SYNE1: variants seen among roughly 807,000 people sequenced by gnomAD.
The protein encoded by SYNE1 is nesprin-1.
Under a neutral mutation model 1,111.0 loss-of-function variants are expected in SYNE1, and 616 were observed. The ratio of observed to expected loss-of-function variants is 0.55; its 90% confidence interval spans 0.52 to 0.59. The LOEUF (loss-of-function observed/expected upper bound fraction) is 0.59. Ranked by LOEUF, SYNE1 falls within the 20% of genes least tolerant of loss-of-function variation. The pLI is 0.00. For synonymous variants in SYNE1, 3,855 were observed against 3,825.8 expected (o/e 1.01, Z -0.28); for missense variants, 10,006 against 10,417.0 (o/e 0.96, Z 1.72).
intron 24 of SYNE1, 70 bp from the exon 25 acceptor site, chr6:152,453,790 T>C: frequency 1.3e-6 from 2 of 1,599,512 alleles, no homozygotes; most frequent in Non-Finnish European, 1.7e-6. Flanking sequence ...ACAATCAGCC[T>C]CTAAGCCTCC....
intron 23 of SYNE1, 144 bp from the exon 24 acceptor site, chr6:152,455,734 A>C (rs1188286012): frequency 1.4e-6 from 2 of 1,394,194 alleles, no homozygotes; most frequent in African/African-American, 2.9e-5. Flanking sequence ...TTCAATATTA[A>C]TTAATATTAG....
chr6:152,586,841 T>C (rs1343237856), intron 3 of SYNE1, among the ~76,000 whole-genome samples: 2 of 152,158 alleles, frequency 1.3e-5, no homozygotes, highest in African/African-American at 4.8e-5. Flanking sequence ...CCTAGAAGAC[T>C]CCCCCATTTG....
intron 3 of SYNE1, among the ~76,000 whole-genome samples, chr6:152,624,754 C>T (rs1368346978): frequency 6.6e-6 from 1 of 152,132 alleles, no homozygotes; most frequent in Non-Finnish European, 1.5e-5. Context: ...CTCAAACAAG[C>T]ACAAATATTG....
chr6:152,331,714 C>T lies in SYNE1; in HGVS notation c.12971G>A (p.Arg4324His), dbSNP rs376805595. The T allele has an allele frequency of 4.0e-5, 64 of 1,614,082 alleles. No individual in the cohort carries two copies. The highest frequency in any genetic ancestry group is 6.7e-5 in the African/African-American group (5 of 74,928). Residue 4324 changes from arginine (R) to histidine (H), a missense_variant, in exon 78 of 146, where the codon CGT (arginine) becomes CAT (histidine). Transcript: ENST00000367255. ...VKEQTSHLEQRWFQLEDLIKR... is the reference protein window; with the variant it reads ...VKEQTSHLEQHWFQLEDLIKR... Reference sequence around the variant, plus strand: ...AATGAGGTCCTCAAGCTGAAACCAACGTTGCTCTAAATGACTCGTCTGTTC... The same window carrying T: ...AATGAGGTCCTCAAGCTGAAACCAATGTTGCTCTAAATGACTCGTCTGTTC...
chr6:152,580,510 A>G (rs1192787787), intron 3 of SYNE1, among the ~76,000 whole-genome samples: 1 of 152,112 alleles, frequency 6.6e-6, no homozygotes, highest in Non-Finnish European at 1.5e-5. Flanking sequence ...GAAGCTTTTT[A>G]GTTTAATTAG....
intron 3 of SYNE1, among the ~76,000 whole-genome samples, chr6:152,588,504 G>A (rs1386245855): frequency 6.6e-6 from 1 of 152,160 alleles, no homozygotes; most frequent in East Asian, 1.9e-4. Flanking sequence ...TGAGAGTCCT[G>A]ATCAGTAGCT....
rs1189136706 is a variant in SYNE1, at chr6:152,135,097, A to C, written c.25788+7T>G. 1 of 1,614,152 alleles carries C rather than the reference A, an allele frequency of 6.2e-7. No individual in the cohort carries two copies. Among genetic ancestry groups the C allele is most frequent in the Non-Finnish European group, 8.5e-7 (1 of 1,180,014 alleles). On this transcript the variant is annotated splice_region_variant and intron_variant, in intron 142 of 145. Coordinates refer to ENST00000367255, the MANE Select transcript of SYNE1 (RefSeq NM_182961.4). ...AACTGGAGGCTGCCAGAGTTCACACATCTTACCATAAGCTGTTTGTGATGG... is the reference window on the plus strand; with the variant it reads ...AACTGGAGGCTGCCAGAGTTCACACCTCTTACCATAAGCTGTTTGTGATGG...
chr6:152,577,768 G>C (rs1258727318), intron 3 of SYNE1, among the ~76,000 whole-genome samples: 1 of 141,042 alleles, frequency 7.1e-6, no homozygotes, highest in African/African-American at 3.0e-5. Flanking sequence ...ACAAGCTTGA[G>C]TTTTCTGTTT....
At position 152,148,330 on chromosome 6, in the gene SYNE1, C is replaced by T; in HGVS notation, c.24691G>A (p.Asp8231Asn). Residue 8231 changes from aspartate (D) to asparagine (N), a missense_variant, in exon 137 of 146, where the codon GAC becomes AAC. Physicochemically the swap from Asp to Asn is conservative, Grantham distance 23 (BLOSUM62 1). This residue lies in a region of SYNE1 where 761 missense variants were observed against 795.5 expected (regional missense o/e 0.96). Transcript: ENST00000367255. This position sits in a 1 kb window ranked among gnomAD's most constrained non-coding sequence, Gnocchi z 4.1. Reference sequence around the variant, plus strand: ...TGCAGGTCCGACAGAGCTGCAGAGTCTTCCAGCTCCAGCTCCCTGTCTGAG... The same window carrying T: ...TGCAGGTCCGACAGAGCTGCAGAGTTTTCCAGCTCCAGCTCCCTGTCTGAG... ...DLSDRELELE[D>N]SAALSDLHWH... The T allele has an allele frequency of 6.2e-7, 1 of 1,614,126 alleles. No homozygotes were observed. The highest frequency in any genetic ancestry group is 8.5e-7 in the Non-Finnish European group (1 of 1,180,010).
chr6:152,246,554 G>T (rs969429414), intron 105 of SYNE1, among the ~76,000 whole-genome samples: 14 of 152,126 alleles, frequency 9.2e-5, no homozygotes, highest in Admixed American at 2.6e-4. Flanking sequence ...ACAAAGAAAG[G>T]TCTCTTGGTA....
At chr6:152,312,955 C>T (rs1046674048) in intron 87 of SYNE1, among the ~76,000 whole-genome samples, 3 of 152,050 alleles carry the variant, frequency 2.0e-5, no homozygotes, top group African/African-American at 7.2e-5. Flanking sequence ...AAAATGAAAG[C>T]AAGTTTATTA....
chr6:152,222,634 A>G (rs1270689999), intron 117 of SYNE1, among the ~76,000 whole-genome samples: 1 of 152,270 alleles, frequency 6.6e-6, no homozygotes, highest in African/African-American at 2.4e-5. Context: ...TAAGATAATT[A>G]ACATATCATT....
chr6:152,237,321 T>C (rs2084396958), intron 108 of SYNE1, among the ~76,000 whole-genome samples: 1 of 150,630 alleles, frequency 6.6e-6, no homozygotes, highest in East Asian at 1.9e-4. Flanking sequence ...TTTTTTTTTT[T>C]TTTTTTTAGA....
At chr6:152,188,889 T>C (rs1180639487) in intron 128 of SYNE1, among the ~76,000 whole-genome samples, 1 of 134,236 alleles carries the variant, frequency 7.4e-6, no homozygotes, top group African/African-American at 2.8e-5. Context: ...ACCTGGGAGG[T>C]GGAGCTTGCA....
At chr6:152,409,788 T>C in intron 42 of SYNE1, 79 bp from the exon 43 acceptor site, 1 of 1,441,454 alleles carries the variant, frequency 6.9e-7, no homozygotes, top group African/African-American at 1.4e-5. Context: ...GGACTTGATG[T>C]TTCACTACGT....
At chr6:152,135,023 T>TAA in intron 142 of SYNE1, 81 bp downstream of exon 142, 3 of 1,592,364 alleles carry the variant, frequency 1.9e-6, no homozygotes, top group Non-Finnish European at 2.6e-6. Flanking sequence ...AAACAACACT[T>TAA]ACCACTTATA....
chr6:152,486,878 G>C (rs776102414), intron 12 of SYNE1, among the ~76,000 whole-genome samples: 86 of 152,162 alleles, frequency 5.7e-4, no homozygotes, highest in South Asian at 1.7e-3. Flanking sequence ...CACTTCATTT[G>C]ACCTTTTTCT....
At chr6:152,123,545 A>C (rs922656252) in intron 145 of SYNE1, among the ~76,000 whole-genome samples, 2 of 152,210 alleles carry the variant, frequency 1.3e-5, no homozygotes, top group East Asian at 3.8e-4. Context: ...AAAATACAGA[A>C]TCTGGAAGTA....
chr6:152,619,671 G>A (rs1401519871), intron 3 of SYNE1, among the ~76,000 whole-genome samples: 1 of 152,158 alleles, frequency 6.6e-6, no homozygotes, highest in Non-Finnish European at 1.5e-5. Flanking sequence ...GTCAAGGGGT[G>A]AAAGTGGAGA....
Sources: gnomAD v4.1 joint callset for allele counts (sites outside exome capture counted in the v4.1 genomes callset) on GRCh38, gnomAD v4.1.1 for gene constraint, gnomAD v4.1.1 regional missense constraint, Gnocchi (gnomAD v3.1) non-coding constraint, MANE v1.5 for transcripts, NCBI Gene and HGNC (gene_info 2026-07-23, HGNC 2026-07-21) for gene names.